Variants in NPAS3 observed in about 807,000 individuals in gnomAD.
The protein encoded by NPAS3 is neuronal PAS domain-containing protein 3.
NPAS3 carries 14 observed loss-of-function variants against 73.1 expected under a neutral mutation model. That is an observed-to-expected ratio of 0.19 (90% CI 0.13 to 0.30). NPAS3 has a LOEUF of 0.30. Among genes scored for constraint, NPAS3 ranks in the 10% least tolerant of loss-of-function variants. The probability of loss-of-function intolerance (pLI) is 1.00; values close to 1 mark genes in which losing one functional copy is unlikely to be tolerated. For synonymous variants in NPAS3, 620 were observed against 541.5 expected, an observed-to-expected ratio of 1.14 and a Z score of -2.01; for missense variants, 1,096 against 1,250.0, an observed-to-expected ratio of 0.88 and a Z score of 1.86.
At chr14:33,218,443 C>T (rs949739312) in intron 3 of NPAS3, among the ~76,000 whole-genome samples, 1 of 152,238 alleles carries the variant, frequency 6.6e-6, no homozygotes, top group Non-Finnish European at 1.5e-5. Context: ...TCTGATCAAA[C>T]ATTCATAAAA....
At chr14:33,726,888 C>T (rs1392485810) in intron 6 of NPAS3, among the ~76,000 whole-genome samples, 2 of 152,102 alleles carry the variant, frequency 1.3e-5, no homozygotes, top group Non-Finnish European at 1.5e-5. Context: ...AGAAGGTGCA[C>T]GCTCAGTCCA....
At chr14:33,502,810 C>G (rs2052581728) in intron 4 of NPAS3, among the ~76,000 whole-genome samples, 2 of 151,922 alleles carry the variant, frequency 1.3e-5, no homozygotes, top group Admixed American at 1.3e-4. Context: ...TGTCCCCCAC[C>G]CATAAAAGCT....
At chr14:33,445,783 A>C (rs1452199093) in intron 4 of NPAS3, among the ~76,000 whole-genome samples, 1 of 152,176 alleles carries the variant, frequency 6.6e-6, no homozygotes, top group Admixed American at 6.5e-5. Flanking sequence ...TTAAGCAAGA[A>C]TGAACTTCTT....
intron 2 of NPAS3, among the ~76,000 whole-genome samples, chr14:33,126,792 C>T (rs2043444130): frequency 1.3e-5 from 2 of 152,150 alleles, no homozygotes; most frequent in African/African-American, 2.4e-5. Flanking sequence ...CCAGACTCCA[C>T]TTACCACTCA....
intron 4 of NPAS3, among the ~76,000 whole-genome samples, chr14:33,521,513 T>TAAA (rs35106729): frequency 0.047 from 6,310 of 132,884 alleles, 203 homozygotes; most frequent in Non-Finnish European, 0.069. Context: ...TGATCTGCTT[T>TAAA]AAAAAAAAAA....
chr14:33,775,797 C>A (rs1302938517), intron 8 of NPAS3, among the ~76,000 whole-genome samples: 2 of 152,174 alleles, frequency 1.3e-5, no homozygotes, highest in African/African-American at 2.4e-5. Context: ...AGGAAACATG[C>A]GTTAGCCAGA....
chr14:33,260,748 CT>C (rs1169811804), intron 3 of NPAS3, among the ~76,000 whole-genome samples: 4 of 152,166 alleles, frequency 2.6e-5, no homozygotes, highest in African/African-American at 9.7e-5. Context: ...TCTTTAACCT[CT>C]CTCTTCTGTC....
intron 2 of NPAS3, among the ~76,000 whole-genome samples, chr14:33,086,080 G>T (rs1034497870): frequency 2.0e-5 from 3 of 152,160 alleles, no homozygotes; most frequent in Non-Finnish European, 4.4e-5. Flanking sequence ...ACTCAGAAAG[G>T]CTGTAGATAC....
At chr14:33,158,010 A>T (rs1269855961) in intron 2 of NPAS3, among the ~76,000 whole-genome samples, 3 of 152,214 alleles carry the variant, frequency 2.0e-5, no homozygotes. Context: ...TGTAAAAAGT[A>T]AAAGAGGCAC....
chr14:33,718,277 T>C (rs1343583201), intron 6 of NPAS3, among the ~76,000 whole-genome samples: 5 of 152,198 alleles, frequency 3.3e-5, no homozygotes, highest in Non-Finnish European at 5.9e-5. Flanking sequence ...CTTAATCCTT[T>C]GTCTTTATCT....
intron 7 of NPAS3, among the ~76,000 whole-genome samples, chr14:33,753,017 C>T (rs1462053901): frequency 6.6e-6 from 1 of 152,150 alleles, no homozygotes. Flanking sequence ...CTTTTGAGTG[C>T]ACTTCAAATT....
chr14:33,012,537 G>T (rs1259553136), intron 1 of NPAS3, among the ~76,000 whole-genome samples: 1 of 151,550 alleles, frequency 6.6e-6, no homozygotes, highest in Non-Finnish European at 1.5e-5. Context: ...AATGTTTTCA[G>T]CCTCAAAGTC....
intron 9 of NPAS3, among the ~76,000 whole-genome samples, chr14:33,784,745 A>ATTTTTTTTTT (rs1226491375): frequency 1.4e-4 from 10 of 73,852 alleles, no homozygotes; most frequent in South Asian, 5.4e-4. Flanking sequence ...TTATTTATTT[A>ATTTTTTTTTT]TTTTTTTTTT....
intron 5 of NPAS3, among the ~76,000 whole-genome samples, chr14:33,649,786 T>A (rs1260163371): frequency 6.6e-6 from 1 of 151,952 alleles, no homozygotes; most frequent in Non-Finnish European, 1.5e-5. Flanking sequence ...CTGCATATAA[T>A]AAAGGAAATG....
intron 2 of NPAS3, among the ~76,000 whole-genome samples, chr14:33,160,605 C>T (rs770003107): frequency 1.1e-4 from 16 of 148,700 alleles, no homozygotes; most frequent in African/African-American, 2.3e-4. Context: ...CAAACCTGCA[C>T]GTTGTGCACA....
chr14:33,538,286 GAAAACTA>G (rs1217867454), intron 4 of NPAS3, among the ~76,000 whole-genome samples: 1 of 152,168 alleles, frequency 6.6e-6, no homozygotes, highest in Non-Finnish European at 1.5e-5. Context: ...AATAATACCA[GAAAACTA>G]ATAATGCTAA....
At chr14:33,090,560 C>G (rs2042190016) in intron 2 of NPAS3, among the ~76,000 whole-genome samples, 1 of 152,176 alleles carries the variant, frequency 6.6e-6, no homozygotes, top group Non-Finnish European at 1.5e-5. Flanking sequence ...GAGACTTCAA[C>G]ACCCCACTGT....
chr14:33,364,900 AG>A (rs1313092851), intron 3 of NPAS3, among the ~76,000 whole-genome samples: 1 of 151,736 alleles, frequency 6.6e-6, no homozygotes, highest in Non-Finnish European at 1.5e-5. Flanking sequence ...GTGATGTTTT[AG>A]GGTTCCTTAT....
intron 2 of NPAS3, among the ~76,000 whole-genome samples, chr14:33,069,789 A>G (rs2041419183): frequency 6.6e-6 from 1 of 152,242 alleles, no homozygotes; most frequent in South Asian, 2.1e-4. Context: ...AGGATTTAAC[A>G]TTTAGAGTGA....
Sources: gnomAD v4.1 joint callset for allele counts (sites outside exome capture counted in the v4.1 genomes callset) on GRCh38, gnomAD v4.1.1 for gene constraint, MANE v1.5 for transcripts, NCBI Gene and HGNC (gene_info 2026-07-23, HGNC 2026-07-21) for gene names.